The following TNF variants were observed in gnomAD, a reference collection of about 807,000 sequenced individuals.
TNF encodes the protein tumor necrosis factor, also known as APC1 protein.
In TNF, 7 loss-of-function variants were observed where a neutral mutation model predicts 21.8. The observed-to-expected ratio is 0.32, with a 90% CI of 0.18 to 0.60. The LOEUF is 0.60. TNF is among the 20% of genes least tolerant of loss of function. The probability of loss-of-function intolerance (pLI) is 0.84; values close to 1 mark genes in which losing one functional copy is unlikely to be tolerated. For missense variants in TNF, 216 were observed against 296.6 expected (o/e 0.73, Z 2.00); for synonymous variants, 123 against 130.2 (o/e 0.94, Z 0.38).
rs1395544606 is a variant in TNF at position 31,575,790 on chromosome 6, C to G, written c.49C>G (p.Leu17Val). 1 of 1,609,182 alleles carries G rather than the reference C, an allele frequency of 6.2e-7. No homozygotes were observed. The highest frequency in any genetic ancestry group is 8.5e-7 in the Non-Finnish European group (1 of 1,177,802). Residue 17 changes from leucine to valine, a missense_variant, in exon 1 of 4, where the codon CTC becomes GTC. Physicochemically the swap from Leu to Val is conservative, Grantham distance 32. Transcript: ENST00000449264. The surrounding 1 kb of genome is among the most constrained non-coding windows in gnomAD (Gnocchi z 6.2). ...IRDVELAEEALPKKTGGPQGS... is the reference protein window; with the variant it reads ...IRDVELAEEAVPKKTGGPQGS... ...GGACGTGGAGCTGGCCGAGGAGGCG[C>G]TCCCCAAGAAGACAGGGGGGCCCCA...
Position 31,577,382 on chromosome 6 carries a change from G to C in TNF, c.547G>C (p.Glu183Gln). 6.2e-7 allele frequency: 1 copy of C among 1,613,088 alleles called. No individual in the cohort carries two copies. The highest frequency in any genetic ancestry group is 8.5e-7 in the Non-Finnish European group (1 of 1,179,950). ...IKSPCQRETP[E>Q]GAEAKPWYEP... ...GAGCCCCTGCCAGAGGGAGACCCCA[G>C]AGGGGGCTGAGGCCAAGCCCTGGTA... The change falls in exon 4 of 4, where the codon GAG (glutamate) becomes CAG (glutamine). Residue 183 changes from glutamate (E) to glutamine (Q), a missense_variant. Physicochemically the swap from Glu to Gln is conservative, Grantham distance 29. Coordinates refer to ENST00000449264, the MANE Select transcript of TNF (RefSeq NM_000594.4). The surrounding 1 kb of genome is among the most constrained non-coding windows in gnomAD (Gnocchi z 7.7).
In TNF at chr6:31,575,789, G is replaced by A. The variant is rs146375573; in HGVS notation, c.48G>A (p.Ala16=). ...MIRDVELAEE[A]LPKKTGGPQG... ...GGGACGTGGAGCTGGCCGAGGAGGC[G>A]CTCCCCAAGAAGACAGGGGGGCCCC... Residue 16 remains alanine (A), a synonymous_variant, in exon 1 of 4, where the codon GCG becomes GCA. Coordinates refer to ENST00000449264, the MANE Select transcript of TNF (RefSeq NM_000594.4). The surrounding 1 kb of genome is among the most constrained non-coding windows in gnomAD (Gnocchi z 6.2). The A allele has an allele frequency of 1.1e-4, 169 of 1,608,224 alleles. No homozygotes were observed. The highest frequency in any genetic ancestry group is 1.3e-4 in the African/African-American group (10 of 74,550).
At position 31,577,054 on chromosome 6, in the gene TNF, G is replaced by C. The variant is rs1486531291; in HGVS notation, c.281-62G>C. The C allele has an allele frequency of 7.8e-6, 12 of 1,546,654 alleles. No individual in the cohort carries two copies. The highest frequency in any genetic ancestry group is 9.6e-6 in the Non-Finnish European group (11 of 1,147,422). ...GGGGTGGGCAGAGCTCGAGGGCCAG[G>C]ATGTGGAGAGTGAACCGACATGGCC... On this transcript the variant is annotated intron_variant, in intron 3 of 3. Transcript: ENST00000449264. This position sits in a 1 kb window ranked among gnomAD's most constrained non-coding sequence, Gnocchi z 7.7.
At chr6:31,576,928 AGGGAAG>A in intron 3 of TNF, 114 bp downstream of exon 3, 1 of 1,437,082 alleles carries the variant, frequency 7.0e-7, no homozygotes, top group Admixed American at 1.7e-5. Context: ...GCTGAGCTCA[AGGGAAG>A]GGTGGAGGAA....
chr6:31,576,956 T>G, intron 3 of TNF, 142 bp downstream of exon 3: 1 of 1,337,200 alleles, frequency 7.5e-7, no homozygotes, highest in Non-Finnish European at 1.1e-6. Flanking sequence ...AGCACAGGCC[T>G]TAGTGGGATA....
Position 31,575,686 on chromosome 6 carries a change from T to C in TNF, c.-56T>C. 3 of 1,456,810 alleles carry C rather than the reference T, an allele frequency of 2.1e-6. No homozygotes were observed. The highest frequency in any genetic ancestry group is 2.7e-6 in the Non-Finnish European group (3 of 1,099,906). 90.2% of individuals were successfully genotyped at this position (1,456,810 alleles called of 1,614,324 possible). ...CCCTGACAAGCTGCCAGGCAGGTTCTCTTCCTCTCACATACTGACCCACGG... is the reference window on the plus strand; with the variant it reads ...CCCTGACAAGCTGCCAGGCAGGTTCCCTTCCTCTCACATACTGACCCACGG... On this transcript the variant is annotated 5_prime_UTR_variant, in exon 1 of 4. Coordinates refer to ENST00000449264, the MANE Select transcript of TNF (RefSeq NM_000594.4). The surrounding 1 kb of genome is among the most constrained non-coding windows in gnomAD (Gnocchi z 6.2).
chr6:31,576,897 G>C (rs1000808024), intron 3 of TNF, 83 bp downstream of exon 3: 1 of 1,525,974 alleles, frequency 6.6e-7, no homozygotes, highest in East Asian at 2.2e-5. Context: ...GCAGAACTTG[G>C]AGACAATGTG....
At chr6:31,576,628 T>C in intron 2 of TNF, 49 bp downstream of exon 2, 1 of 1,597,916 alleles carries the variant, frequency 6.3e-7, no homozygotes, top group South Asian at 1.1e-5. Flanking sequence ...GGTTTGGGGG[T>C]AGGGTTAGTA....
chr6:31,576,029 G>T, intron 1 of TNF, 102 bp downstream of exon 1: 1 of 1,234,458 alleles, frequency 8.1e-7, no homozygotes, highest in Non-Finnish European at 1.1e-6. Flanking sequence ...CGCTGATAGG[G>T]AGGGATGGAG....
rs1353047835 is a variant in TNF at position 31,575,808 on chromosome 6, G to A, written c.67G>A (p.Gly23Arg). ...GGAGGCGCTCCCCAAGAAGACAGGG[G>A]GGCCCCAGGGCTCCAGGCGGTGCTT... is the stretch of plus-strand genomic sequence containing the variant. ...AEEALPKKTG[G>R]PQGSRRCLFL... The change falls in exon 1 of 4, where the codon GGG becomes AGG. Residue 23 changes from glycine to arginine, a missense_variant. Around this residue, in one of 2 missense-constraint regions of TNF, gnomAD observed 118 missense variants for 127.1 expected, o/e 0.93. Transcript: ENST00000449264. This position sits in a 1 kb window ranked among gnomAD's most constrained non-coding sequence, Gnocchi z 6.2. 1 of 1,611,632 alleles carries A rather than the reference G, an allele frequency of 6.2e-7. No homozygotes were observed. The highest frequency in any genetic ancestry group is 1.1e-5 in the South Asian group (1 of 90,818).
chr6:31,576,433 C>T, intron 1 of TNF, 101 bp from the exon 2 acceptor site: 1 of 1,174,276 alleles, frequency 8.5e-7, no homozygotes, highest in Non-Finnish European at 1.2e-6. Context: ...GAGAGAAAAC[C>T]AGACACCTCA....
At position 31,577,596 on chromosome 6, in the gene TNF, C is replaced by A. The variant is rs749764028; in HGVS notation, c.*59C>A. ...CCCTGCCCCAATCCCTTTATTACCC[C>A]CTCCTTCAGACACCCTCAACCTCTT... On this transcript the variant is annotated 3_prime_UTR_variant, in exon 4 of 4. Coordinates refer to ENST00000449264, the MANE Select transcript of TNF (RefSeq NM_000594.4). This position sits in a 1 kb window ranked among gnomAD's most constrained non-coding sequence, Gnocchi z 7.7. 2 of 1,598,012 alleles carry A rather than the reference C, an allele frequency of 1.3e-6. No homozygotes were observed. Among genetic ancestry groups the A allele is most frequent in the Non-Finnish European group, 1.7e-6 (2 of 1,168,482 alleles).
Position 31,575,817 on chromosome 6 carries a change from G to A in TNF, c.76G>A (p.Gly26Ser). 1 of 1,612,168 alleles carries A rather than the reference G, an allele frequency of 6.2e-7. No individual in the cohort carries two copies. The highest frequency in any genetic ancestry group is 8.5e-7 in the Non-Finnish European group (1 of 1,179,124). The change falls in exon 1 of 4, where the codon GGC becomes AGC. Residue 26 changes from glycine to serine, a missense_variant. This residue lies in a region of TNF where 118 missense variants were observed against 127.1 expected (regional missense o/e 0.93). Coordinates refer to ENST00000449264, the MANE Select transcript of TNF (RefSeq NM_000594.4). This position sits in a 1 kb window ranked among gnomAD's most constrained non-coding sequence, Gnocchi z 6.2. ...ALPKKTGGPQ[G>S]SRRCLFLSLF... ...CCCCAAGAAGACAGGGGGGCCCCAG[G>A]GCTCCAGGCGGTGCTTGTTCCTCAG...
chr6:31,576,516 T>G lies in TNF; in HGVS notation c.187-18T>G, dbSNP rs1237163198. 7.4e-6 allele frequency: 12 copies of G among 1,612,974 alleles called. No homozygotes were observed. Among genetic ancestry groups the G allele is most frequent in the Non-Finnish European group, 1.0e-5 (12 of 1,179,620 alleles). On this transcript the variant is annotated intron_variant, in intron 1 of 3. Coordinates refer to ENST00000449264, the MANE Select transcript of TNF (RefSeq NM_000594.4). ...GGGTGACTCCCTCGATGTTAACCATTCTCCTTCTCCCCAACAGTTCCCCAG... is the reference window on the plus strand; with the variant it reads ...GGGTGACTCCCTCGATGTTAACCATGCTCCTTCTCCCCAACAGTTCCCCAG...
rs759696973 is a variant in TNF at position 31,575,769 on chromosome 6, G to A, written c.28G>A (p.Val10Met). 14 of 1,603,170 alleles carry A rather than the reference G, an allele frequency of 8.7e-6. No individual in the cohort carries two copies. The highest frequency in any genetic ancestry group is 8.6e-5 in the Admixed American group (5 of 58,362). Residue 10 changes from valine (V) to methionine (M), a missense_variant, in exon 1 of 4, where the codon GTG becomes ATG. Val to Met is a conservative substitution (Grantham distance 21, BLOSUM62 1). This residue lies in a region of TNF where 118 missense variants were observed against 127.1 expected (regional missense o/e 0.93). Coordinates refer to ENST00000449264, the MANE Select transcript of TNF (RefSeq NM_000594.4). The surrounding 1 kb of genome is among the most constrained non-coding windows in gnomAD (Gnocchi z 6.2). ...GAGCACTGAAAGCATGATCCGGGAC[G>A]TGGAGCTGGCCGAGGAGGCGCTCCC... MSTESMIRD[V>M]ELAEEALPKK...
rs967964242 is a variant in TNF, at chr6:31,576,521, T to C, written c.187-13T>C. ...ACTCCCTCGATGTTAACCATTCTCC[T>C]TCTCCCCAACAGTTCCCCAGGGACC... On this transcript the variant is annotated splice_polypyrimidine_tract_variant and intron_variant, in intron 1 of 3. Transcript: ENST00000449264. 1 of 1,613,482 alleles carries C rather than the reference T, an allele frequency of 6.2e-7. No individual in the cohort carries two copies.
In TNF at chr6:31,575,597, A is replaced by T; in HGVS notation, c.-145A>T. On this transcript the variant is annotated 5_prime_UTR_variant, in exon 1 of 4. Transcript: ENST00000449264. This position sits in a 1 kb window ranked among gnomAD's most constrained non-coding sequence, Gnocchi z 6.2. ...GCTCCCTCAGCAAGGACAGCAGAGG[A>T]CCAGCTAAGAGGGAGAGAAGCAACT... The T allele has an allele frequency of 1.4e-6, 1 of 724,474 alleles. No homozygotes were observed. The highest frequency in any genetic ancestry group is 2.2e-6 in the Non-Finnish European group (1 of 446,586). The allele number at this position is 724,474 out of a possible 1,614,324, so 44.9% of individuals were successfully genotyped here.
chr6:31,576,161 A>T (rs556572867), intron 1 of TNF, among the ~76,000 whole-genome samples: 13 of 152,050 alleles, frequency 8.5e-5, no homozygotes, highest in Non-Finnish European at 1.6e-4. Flanking sequence ...CTAAGTGTGT[A>T]TGGAGTGAAT....
Position 31,577,034 on chromosome 6 carries a change from G to A in TNF, c.281-82G>A. 6.6e-7 allele frequency: 1 copy of A among 1,510,840 alleles called. No homozygotes were observed. The highest frequency in any genetic ancestry group is 1.2e-5 in the South Asian group (1 of 80,230). 93.6% of individuals were successfully genotyped at this position (1,510,840 alleles called of 1,614,324 possible). A position where few individuals can be genotyped will look rare whatever the true frequency, so the allele number is the denominator to read the frequency against. On this transcript the variant is annotated intron_variant, in intron 3 of 3. Transcript: ENST00000449264. The surrounding 1 kb of genome is among the most constrained non-coding windows in gnomAD (Gnocchi z 7.7). The stretch of plus-strand genomic sequence containing the variant: ...AGAGGACAGGAACCGGATGTGGGGT[G>A]GGCAGAGCTCGAGGGCCAGGATGTG...
Sources: gnomAD v4.1 joint callset for allele counts (sites outside exome capture counted in the v4.1 genomes callset) on GRCh38, gnomAD v4.1.1 for gene constraint, gnomAD v4.1.1 regional missense constraint, Gnocchi (gnomAD v3.1) non-coding constraint, MANE v1.5 for transcripts, NCBI Gene and HGNC (gene_info 2026-07-23, HGNC 2026-07-21) for gene names.